Variants in FBXL13 observed in about 807,000 individuals in gnomAD.
The protein encoded by FBXL13 is F-box and leucine rich repeat protein 13, also known as F-box and leucine-rich repeat protein 13.
FBXL13 carries 67 observed loss-of-function variants against 83.6 expected under a neutral mutation model. The observed-to-expected ratio is 0.80, with a 90% CI of 0.66 to 0.98. FBXL13 has a LOEUF of 0.98. FBXL13 is among the 50% of genes least tolerant of loss of function. The probability of loss-of-function intolerance (pLI) is 0.00; values close to 1 mark genes in which losing one functional copy is unlikely to be tolerated. For missense variants in FBXL13, 822 were observed against 866.5 expected (o/e 0.95, Z 0.64); for synonymous variants, 272 against 299.5 (o/e 0.91, Z 0.95).
chr7:102,948,292 G>A (rs572351251), intron 8 of FBXL13, among the ~76,000 whole-genome samples: 1 of 152,098 alleles, frequency 6.6e-6, no homozygotes, highest in African/African-American at 2.4e-5. Context: ...TCAAACTCCT[G>A]ACTTCAAATG....
intron 9 of FBXL13, among the ~76,000 whole-genome samples, chr7:102,927,206 T>C (rs1262266516): frequency 6.6e-6 from 1 of 152,082 alleles, no homozygotes; most frequent in Non-Finnish European, 1.5e-5. Flanking sequence ...ATACAACGAG[T>C]AGCAGCAGGT....
intron 16 of FBXL13, among the ~76,000 whole-genome samples, chr7:102,861,907 A>C (rs562897637): frequency 3.3e-5 from 5 of 151,552 alleles, no homozygotes; most frequent in African/African-American, 1.2e-4. Flanking sequence ...GCTTTAACCC[A>C]GGAGGCAGAA....
At chr7:102,956,598 C>G (rs1013493438) in intron 8 of FBXL13, among the ~76,000 whole-genome samples, 83 of 152,246 alleles carry the variant, frequency 5.5e-4, no homozygotes, top group African/African-American at 1.9e-3. Flanking sequence ...CAAATTGTCC[C>G]TGTTTGCAGA....
intron 6 of FBXL13, among the ~76,000 whole-genome samples, chr7:103,017,716 G>A (rs1221110552): frequency 1.3e-5 from 2 of 152,170 alleles, no homozygotes; most frequent in Non-Finnish European, 2.9e-5. Flanking sequence ...GTGGAAGAAA[G>A]GGTATCAGTG....
chr7:103,052,963 G>A (rs1444186002), intron 2 of FBXL13, among the ~76,000 whole-genome samples: 1 of 150,982 alleles, frequency 6.6e-6, no homozygotes, highest in African/African-American at 2.4e-5. Context: ...CACCATGTTG[G>A]CCAGGCTGGT....
chr7:102,934,144 T>C (rs1310950117), intron 8 of FBXL13: 2 of 1,614,054 alleles, frequency 1.2e-6, no homozygotes, highest in Non-Finnish European at 1.7e-6. Context: ...ATGTGCTGCC[T>C]GGTTGGCCTC....
intron 6 of FBXL13, among the ~76,000 whole-genome samples, chr7:103,004,708 G>C (rs11972502): frequency 1.4e-4 from 22 of 152,272 alleles, no homozygotes; most frequent in African/African-American, 4.8e-4. Flanking sequence ...CCTGGTAAAT[G>C]AGAGGAGTGC....
At chr7:102,914,918 G>T (rs1815527137) in intron 10 of FBXL13, among the ~76,000 whole-genome samples, 1 of 152,100 alleles carries the variant, frequency 6.6e-6, no homozygotes, top group African/African-American at 2.4e-5. Context: ...GGTGGGGAGA[G>T]GCACACCAGG....
At chr7:102,976,133 C>T (rs1298115185) in intron 6 of FBXL13, 5 of 766,358 alleles carry the variant, frequency 6.5e-6, no homozygotes, top group Non-Finnish European at 7.2e-6. Flanking sequence ...ACTCGGATCT[C>T]GTCAGCCTTG....
chr7:102,812,322 A>G (rs1584385536), downstream of FBXL13, among the ~76,000 whole-genome samples: 1 of 152,248 alleles, frequency 6.6e-6, no homozygotes. Flanking sequence ...ACTTCCTAGC[A>G]TAAAATTGAG....
intron 8 of FBXL13, chr7:102,944,386 T>C: frequency 1.9e-6 from 3 of 1,614,068 alleles, no homozygotes; most frequent in Non-Finnish European, 2.5e-6. Context: ...AAAGCACCAC[T>C]ACAATGTCCA....
At chr7:102,974,289 C>A (rs892285709) in intron 6 of FBXL13, among the ~76,000 whole-genome samples, 1 of 152,106 alleles carries the variant, frequency 6.6e-6, no homozygotes, top group African/African-American at 2.4e-5. Flanking sequence ...ACTCAGGAGG[C>A]TGAAGCAGGA....
At chr7:102,912,249 C>T (rs1814824508) in intron 11 of FBXL13, among the ~76,000 whole-genome samples, 1 of 152,160 alleles carries the variant, frequency 6.6e-6, no homozygotes, top group Non-Finnish European at 1.5e-5. Flanking sequence ...CTGTGTATAG[C>T]ACTCAACACA....
chr7:103,042,890 C>T (rs1345680193), intron 2 of FBXL13, among the ~76,000 whole-genome samples: 2 of 152,108 alleles, frequency 1.3e-5, no homozygotes, highest in African/African-American at 4.8e-5. Context: ...TAAGCAATAC[C>T]ATTCAGGACA....
chr7:103,004,126 C>A (rs1790721188), intron 6 of FBXL13, among the ~76,000 whole-genome samples: 2 of 152,196 alleles, frequency 1.3e-5, no homozygotes, highest in Admixed American at 1.3e-4. Flanking sequence ...ATACCTGTGG[C>A]TTTGCACTGA....
At chr7:102,939,737 GTTGT>G in intron 8 of FBXL13, 1 of 710,840 alleles carries the variant, frequency 1.4e-6, no homozygotes, top group East Asian at 2.7e-5. Flanking sequence ...TATACTAGGA[GTTGT>G]TTGCCACTCA....
At chr7:103,065,723 T>G (rs1051418924) in intron 1 of FBXL13, among the ~76,000 whole-genome samples, 1 of 152,124 alleles carries the variant, frequency 6.6e-6, no homozygotes, top group African/African-American at 2.4e-5. Context: ...AAGGCTGAGA[T>G]TCAGAGAATG....
In FBXL13 at chr7:102,822,028, GT is replaced by G. The variant is rs1798868805; in HGVS notation, c.2018+11del. ...GTTCTCAAAAGTTTGTCATAGTCAG[GT>G]ACATACTTACTTGGAAATATTTGTG... On this transcript the variant is annotated intron_variant, in intron 19 of 19. Coordinates refer to ENST00000313221, the Ensembl canonical transcript of FBXL13. The G allele has an allele frequency of 6.2e-7, 1 of 1,613,784 alleles. No homozygotes were observed.
chr7:102,935,772 T>G (rs2129474047), intron 8 of FBXL13, among the ~76,000 whole-genome samples: 1 of 152,324 alleles, frequency 6.6e-6, no homozygotes, highest in East Asian at 1.9e-4. Flanking sequence ...GTTTAATAAT[T>G]TATTTGTAAT....
Sources: allele counts gnomAD v4.1 joint callset (sites outside exome capture counted in the v4.1 genomes callset), GRCh38; gene constraint gnomAD v4.1.1; transcripts MANE v1.5; gene names NCBI Gene and HGNC (gene_info 2026-07-23, HGNC 2026-07-21).